Variants in VPS26C observed in about 807,000 individuals in gnomAD.
VPS26C encodes the protein VPS26 endosomal protein sorting factor C.
Under a neutral mutation model 30.6 loss-of-function variants are expected in VPS26C, and 19 were observed. That is an observed-to-expected ratio of 0.62 (90% CI 0.43 to 0.91). VPS26C has a LOEUF of 0.91. Ranked by LOEUF, VPS26C falls within the 40% of genes least tolerant of loss-of-function variation. The pLI is 0.00. For missense variants in VPS26C, 318 were observed against 385.1 expected, an observed-to-expected ratio of 0.83 and a Z score of 1.46; for synonymous variants, 132 against 151.5, an observed-to-expected ratio of 0.87 and a Z score of 0.95.
chr21:37,260,214 G>A (rs2086289899), intron 1 of VPS26C, among the ~76,000 whole-genome samples: 1 of 152,208 alleles, frequency 6.6e-6, no homozygotes, highest in Non-Finnish European at 1.5e-5. Context: ...GTATATGGAG[G>A]ATTAAAGCAC....
chr21:37,265,435 G>A (rs1335394469), intron 1 of VPS26C, among the ~76,000 whole-genome samples: 1 of 152,034 alleles, frequency 6.6e-6, no homozygotes, highest in Non-Finnish European at 1.5e-5. Flanking sequence ...TCTACGGCTT[G>A]ACACTTTGAT....
At position 37,228,275 on chromosome 21, in the gene VPS26C, C is replaced by T. The variant is rs536768285; in HGVS notation, c.606G>A (p.Ser202=). 1.5e-5 allele frequency: 24 copies of T among 1,614,096 alleles called. 1 individual carries two copies. In the South Asian group the frequency reaches 2.2e-4, roughly 15 times the overall value. The change falls in exon 6 of 8, where the codon TCG becomes TCA. Residue 202 remains serine, a synonymous_variant. Coordinates refer to ENST00000309117, the MANE Select transcript of VPS26C (RefSeq NM_006052.2). ...GCTCCACGCTTCTGATGGCGGCTTC[C>T]GAGCTCTCCACCACCAGCTCTCCCG... ...PLTGELVVES[S]EAAIRSVELQ...
chr21:37,233,028 T>C lies in VPS26C; in HGVS notation c.432+334A>G, dbSNP rs1160052786. On this transcript the variant is annotated intron_variant, in intron 4 of 7. Coordinates refer to ENST00000309117, the MANE Select transcript of VPS26C (RefSeq NM_006052.2). This position sits in a 1 kb window ranked among gnomAD's most constrained non-coding sequence, Gnocchi z 5.2. Reference sequence around the variant, plus strand: ...TCAGAATCTACAGATACAGCCGAGCTTCATGAGAGCCTGCCTGGCATTTTT... The same window carrying C: ...TCAGAATCTACAGATACAGCCGAGCCTCATGAGAGCCTGCCTGGCATTTTT... 6.6e-6 allele frequency among the ~76,000 whole-genome samples: 1 copy of C among 152,210 alleles called. No individual in the cohort carries two copies. The highest frequency in any genetic ancestry group is 1.5e-5 in the Non-Finnish European group (1 of 68,048).
At chr21:37,258,804 G>A (rs566036646) in intron 1 of VPS26C, among the ~76,000 whole-genome samples, 22 of 152,272 alleles carry the variant, frequency 1.4e-4, no homozygotes, top group Admixed American at 4.6e-4. Context: ...AACACGCCGC[G>A]GTGGTCAAGC....
At chr21:37,249,235 G>A (rs1368509887) in intron 1 of VPS26C, among the ~76,000 whole-genome samples, 1 of 152,180 alleles carries the variant, frequency 6.6e-6, no homozygotes, top group Non-Finnish European at 1.5e-5. Context: ...ACTAGAGAGA[G>A]AAAGAGGTAA....
intron 5 of VPS26C, chr21:37,231,955 G>C (rs1037335232): frequency 5.6e-6 from 1 of 177,324 alleles, no homozygotes; most frequent in Non-Finnish European, 1.2e-5. Context: ...GTTGCTGCCC[G>C]GCCTCTGTCT....
At chr21:37,241,056 G>A (rs59900471) in intron 1 of VPS26C, among the ~76,000 whole-genome samples, 26,637 of 152,214 alleles carry the variant, frequency 0.17, 2,935 homozygotes, top group Non-Finnish European at 0.24. Flanking sequence ...AACTCTGTTC[G>A]TTAGGCTCTT....
rs1193083385 is a variant in VPS26C, at chr21:37,238,465, T to C, written c.346A>G (p.Ile116Val). The C allele has an allele frequency of 6.2e-7, 1 of 1,614,004 alleles. No homozygotes were observed. Among genetic ancestry groups the C allele is most frequent in the Non-Finnish European group, 8.5e-7 (1 of 1,179,904 alleles). ...YETYHGVFVNIQYTLRCDMKR... is the reference protein window; with the variant it reads ...YETYHGVFVNVQYTLRCDMKR... ...TAGGACTAGGAAGCTCTCACCTGAA[T>C]GTTGACAAACACGCCATGATACGTC... The change falls in exon 3 of 8, where the codon ATT (isoleucine) becomes GTT (valine). Residue 116 changes from isoleucine to valine, a missense_variant. Ile to Val is a conservative substitution (Grantham distance 29). Transcript: ENST00000309117.
rs150468698 is a variant in VPS26C at position 37,262,850 on chromosome 21, C to G, written c.57+4388G>C. 8.3e-3 allele frequency among the ~76,000 whole-genome samples: 1,266 copies of G among 151,846 alleles called. 12 individuals carry two copies. Among genetic ancestry groups the G allele is most frequent in the African/African-American group, 0.029 (1,215 of 41,342 alleles). On this transcript the variant is annotated intron_variant, in intron 1 of 7. Transcript: ENST00000309117. ...TGGTGTGATCTTGGCTTACTGCAAC[C>G]TCTGCCTCCCGGGTTCAAGTGGTTC...
At chr21:37,245,254 T>C (rs1309021032) in intron 1 of VPS26C, among the ~76,000 whole-genome samples, 1 of 152,132 alleles carries the variant, frequency 6.6e-6, no homozygotes, top group Non-Finnish European at 1.5e-5. Flanking sequence ...CTGTTCCACT[T>C]AGATTTTTCA....
intron 5 of VPS26C, chr21:37,231,723 C>T (rs2085965816): frequency 6.5e-6 from 1 of 152,966 alleles, no homozygotes; most frequent in Non-Finnish European, 1.5e-5. Flanking sequence ...ATCAGGGAGG[C>T]CGGGGCCAGG....
chr21:37,250,885 G>A (rs2086185940), intron 1 of VPS26C, among the ~76,000 whole-genome samples: 1 of 131,980 alleles, frequency 7.6e-6, no homozygotes, highest in African/African-American at 2.8e-5. Flanking sequence ...GGGCAACAGA[G>A]TGAGACTCCA....
intron 7 of VPS26C, chr21:37,225,922 T>TA (rs2148279332): frequency 2.2e-6 from 1 of 448,670 alleles, no homozygotes; most frequent in African/African-American, 1.9e-5. Context: ...TTTGCTTTCC[T>TA]AAAAAGGATA....
At chr21:37,239,015 A>G (rs890518182) in intron 2 of VPS26C, among the ~76,000 whole-genome samples, 1 of 151,950 alleles carries the variant, frequency 6.6e-6, no homozygotes, top group Non-Finnish European at 1.5e-5. Context: ...TCTTCTGGGC[A>G]GCGCTGCCTC....
intron 1 of VPS26C, among the ~76,000 whole-genome samples, chr21:37,258,468 G>C (rs767194639): frequency 6.6e-6 from 1 of 152,194 alleles, no homozygotes; most frequent in Non-Finnish European, 1.5e-5. Context: ...CGCGCGGTGG[G>C]GACCCCAGGC....
rs2085876072 is a variant in VPS26C, at chr21:37,224,212, C to T, written c.*1332G>A. On this transcript the variant is annotated 3_prime_UTR_variant, in exon 8 of 8. Coordinates refer to ENST00000309117, the MANE Select transcript of VPS26C (RefSeq NM_006052.2). ...ACAGGAGCAAACATACATGTTTTCC[C>T]CTCATGTAACTTTGCATTTAAATAT... 6.6e-6 allele frequency: 1 copy of T among 152,194 alleles called. No individual in the cohort carries two copies. The highest frequency in any genetic ancestry group is 1.5e-5 in the Non-Finnish European group (1 of 68,054). The allele number at this position is 152,194 out of a possible 1,614,324, so 9.4% of individuals were successfully genotyped here.
intron 3 of VPS26C, among the ~76,000 whole-genome samples, chr21:37,236,141 G>T (rs926210211): frequency 2.6e-5 from 4 of 152,118 alleles, no homozygotes; most frequent in Admixed American, 2.6e-4. Flanking sequence ...TAAGAAAGAT[G>T]ATATTAGGGT....
At chr21:37,239,478 TC>T (rs1472467558) in intron 2 of VPS26C, among the ~76,000 whole-genome samples, 10 of 152,244 alleles carry the variant, frequency 6.6e-5, no homozygotes, top group Non-Finnish European at 1.5e-4. Flanking sequence ...AGTTACTTGC[TC>T]TATTTTCATC....
chr21:37,246,804 C>A (rs1250526513), intron 1 of VPS26C, among the ~76,000 whole-genome samples: 7 of 152,166 alleles, frequency 4.6e-5, no homozygotes, highest in African/African-American at 1.7e-4. Flanking sequence ...GTCACCCAGG[C>A]TGGAGTACAG....
Sources: allele counts gnomAD v4.1 joint callset (sites outside exome capture counted in the v4.1 genomes callset), GRCh38; gene constraint gnomAD v4.1.1; non-coding constraint Gnocchi (gnomAD v3.1); transcripts MANE v1.5; gene names NCBI Gene and HGNC (gene_info 2026-07-23, HGNC 2026-07-21).